Variants in AGBL3 observed in about 807,000 individuals in gnomAD.
AGBL3 encodes the protein AGBL carboxypeptidase 3.
A neutral mutation model predicts 94.5 loss-of-function variants in AGBL3; 68 were observed. The ratio of observed to expected loss-of-function variants is 0.72; its 90% CI spans 0.59 to 0.88. The LOEUF is 0.88. Among genes scored for constraint, AGBL3 ranks in the 40% least tolerant of loss-of-function variants. The pLI, the probability that AGBL3 is intolerant of heterozygous loss-of-function variation, is 0.00. For synonymous variants in AGBL3, 354 were observed against 370.7 expected (o/e 0.95, Z 0.52); for missense variants, 934 against 1,103.8 (o/e 0.85, Z 2.18).
At chr7:135,093,253 G>A (rs1419647292) in intron 15 of AGBL3, 4 of 151,606 alleles carry the variant, frequency 2.6e-5, no homozygotes, top group African/African-American at 9.7e-5. Context: ...ATTTCTATTT[G>A]TAGGATATAT....
intron 15 of AGBL3, among the ~76,000 whole-genome samples, chr7:135,095,752 C>T (rs1026649907): frequency 6.6e-6 from 1 of 152,134 alleles, no homozygotes; most frequent in African/African-American, 2.4e-5. Flanking sequence ...TGTTGGCAAC[C>T]ATGATTTTTG....
At chr7:135,121,393 G>A (rs1447894009) in intron 16 of AGBL3, among the ~76,000 whole-genome samples, 3 of 152,176 alleles carry the variant, frequency 2.0e-5, no homozygotes, top group Non-Finnish European at 4.4e-5. Flanking sequence ...CAACAGCACA[G>A]TACACATTAT....
chr7:135,127,172 G>GA (rs1479052384), intron 16 of AGBL3, among the ~76,000 whole-genome samples: 1 of 151,750 alleles, frequency 6.6e-6, no homozygotes, highest in South Asian at 2.1e-4. Context: ...ATATTTACAA[G>GA]AAAAAAACAG....
At chr7:134,997,113 C>G (rs1423902039) in intron 4 of AGBL3, among the ~76,000 whole-genome samples, 1 of 152,148 alleles carries the variant, frequency 6.6e-6, no homozygotes, top group Non-Finnish European at 1.5e-5. Context: ...ACTGTTCCAC[C>G]TCAGAGCATC....
chr7:135,017,140 G>A lies in AGBL3; in HGVS notation c.399G>A (p.Val133=). Residue 133 remains valine, a synonymous_variant, in exon 5 of 17, where the codon GTG becomes GTA. Transcript: ENST00000436302. ...PLYPDSKEAT[V]VYLAEDAYKE... is the part of the protein sequence containing the mutation. ...ATCCAGACTCCAAGGAAGCTACTGT[G>A]GTTTATCTAGCTGAAGATGGTGAGC... 1 of 1,546,776 alleles carries A rather than the reference G, an allele frequency of 6.5e-7. No individual in the cohort carries two copies. Among genetic ancestry groups the A allele is most frequent in the East Asian group, 2.4e-5 (1 of 40,854 alleles).
At chr7:135,115,857 T>C (rs1826244947) in intron 16 of AGBL3, 1 of 396,240 alleles carries the variant, frequency 2.5e-6, no homozygotes, top group East Asian at 4.3e-5. Context: ...GATCTATTAA[T>C]AAAGTAGGCA....
intron 12 of AGBL3, 37 bp from the exon 13 acceptor site, chr7:135,076,360 G>C (rs1183163958): frequency 7.2e-7 from 1 of 1,389,384 alleles, no homozygotes; most frequent in East Asian, 2.5e-5. Flanking sequence ...TTGATATGTT[G>C]ATTAAATATT....
chr7:135,074,225 C>G (rs1313693840), intron 12 of AGBL3, among the ~76,000 whole-genome samples: 1 of 152,010 alleles, frequency 6.6e-6, no homozygotes, highest in Non-Finnish European at 1.5e-5. Context: ...CTCAATAAAG[C>G]TAGAGGGAAA....
chr7:135,074,510 C>G (rs1195635999), intron 12 of AGBL3, among the ~76,000 whole-genome samples: 1 of 152,178 alleles, frequency 6.6e-6, no homozygotes, highest in Non-Finnish European at 1.5e-5. Flanking sequence ...TAAACAATCA[C>G]ATAGCACAAG....
chr7:135,106,009 G>A (rs544494793), intron 15 of AGBL3, among the ~76,000 whole-genome samples: 3 of 152,078 alleles, frequency 2.0e-5, no homozygotes, highest in Admixed American at 1.3e-4. Flanking sequence ...TTATGAATGG[G>A]ATTGTGTTCC....
Position 135,124,749 on chromosome 7 carries a change from C to CA in AGBL3, c.2342+9142dup, listed in dbSNP as rs765549218. On this transcript the variant is annotated intron_variant, in intron 16 of 16. Coordinates refer to ENST00000436302, the MANE Select transcript of AGBL3 (RefSeq NM_178563.4). ...ACAACTCAGGATTAAAAAACTCACT[C>CA]AAAACCACACGATTACATGGAAATT... Among the ~76,000 whole-genome samples the CA allele has an allele frequency of 2.6e-5, 4 of 152,206 alleles. No homozygotes were observed. In the South Asian group the frequency reaches 8.3e-4, roughly 31 times the overall value.
At chr7:135,069,472 G>A (rs201735962) in intron 12 of AGBL3, among the ~76,000 whole-genome samples, 18,147 of 152,116 alleles carry the variant, frequency 0.12, 1,205 homozygotes, top group East Asian at 0.19. Context: ...CACATAGTTG[G>A]AAGTAAAGCA....
intron 12 of AGBL3, among the ~76,000 whole-genome samples, chr7:135,060,616 A>AT (rs201396994): frequency 5.2e-4 from 78 of 150,758 alleles, no homozygotes; most frequent in Admixed American, 9.9e-4. Flanking sequence ...TGAATTCAGC[A>AT]TTTTTTTTTA....
chr7:135,083,297 A>G (rs1401878412), intron 15 of AGBL3, among the ~76,000 whole-genome samples: 2 of 152,136 alleles, frequency 1.3e-5, no homozygotes, highest in Admixed American at 1.3e-4. Flanking sequence ...AGAAACACAA[A>G]TCTGACTATA....
intron 4 of AGBL3, among the ~76,000 whole-genome samples, chr7:135,006,328 A>C (rs1812383894): frequency 6.6e-6 from 1 of 151,920 alleles, no homozygotes; most frequent in Non-Finnish European, 1.5e-5. Flanking sequence ...CAAGCCTGAA[A>C]ACTTAAGGTT....
At chr7:135,115,126 C>T (rs1219376087) in intron 15 of AGBL3, among the ~76,000 whole-genome samples, 1 of 152,146 alleles carries the variant, frequency 6.6e-6, no homozygotes, top group Non-Finnish European at 1.5e-5. Context: ...TTTTTCTTAA[C>T]ACCTTTTTAA....
rs796806366 is a variant in AGBL3 at position 135,041,884 on chromosome 7, C to T, written c.1501-2141C>T. 3.9e-5 allele frequency among the ~76,000 whole-genome samples: 6 copies of T among 152,212 alleles called. 1 individual carries two copies. Among genetic ancestry groups the T allele is most frequent in the African/African-American group, 1.4e-4 (6 of 41,558 alleles). On this transcript the variant is annotated intron_variant, in intron 8 of 16. Transcript: ENST00000436302. ...GCAATAATCTTAAATACACACATTT[C>T]CAAAAAGGATATGTGAAGGCAAATA...
chr7:135,050,406 C>T (rs1817763349), intron 11 of AGBL3, among the ~76,000 whole-genome samples: 1 of 119,054 alleles, frequency 8.4e-6, no homozygotes. Flanking sequence ...TCCATTTGGT[C>T]TATAATGTTG....
intron 15 of AGBL3, among the ~76,000 whole-genome samples, chr7:135,096,826 C>T (rs1395758794): frequency 6.6e-6 from 1 of 151,852 alleles, no homozygotes; most frequent in Non-Finnish European, 1.5e-5. Flanking sequence ...CATGGCTATT[C>T]TTTTAATGAC....
Sources: allele counts gnomAD v4.1 joint callset (sites outside exome capture counted in the v4.1 genomes callset), GRCh38; gene constraint gnomAD v4.1.1; transcripts MANE v1.5; gene names NCBI Gene and HGNC (gene_info 2026-07-23, HGNC 2026-07-21).